The following TRIM50 variants were observed in gnomAD, a reference collection of about 807,000 sequenced individuals.
TRIM50 encodes the protein E3 ubiquitin-protein ligase TRIM50.
A neutral mutation model predicts 44.9 loss-of-function variants in TRIM50; 34 were observed. The ratio of observed to expected loss-of-function variants is 0.76; its 90% CI spans 0.58 to 1.01. The LOEUF (loss-of-function observed/expected upper bound fraction) is 1.01. Among genes scored for constraint, TRIM50 ranks in the 50% least tolerant of loss-of-function variants. The pLI, the probability that TRIM50 is intolerant of heterozygous loss-of-function variation, is 0.00. For missense variants in TRIM50, 633 were observed against 663.7 expected, an observed-to-expected ratio of 0.95 and a Z score of 0.51; for synonymous variants, 307 against 291.1, an observed-to-expected ratio of 1.05 and a Z score of -0.56.
intron 2 of TRIM50, chr7:73,321,755 C>G (rs1227084416): frequency 4.6e-5 from 7 of 152,168 alleles, no homozygotes; most frequent in East Asian, 3.9e-4. Flanking sequence ...AAGGGAGTTG[C>G]GTAAAGAATC....
intron 2 of TRIM50, among the ~76,000 whole-genome samples, chr7:73,321,625 C>A (rs1804498250): frequency 6.6e-6 from 1 of 152,196 alleles, no homozygotes; most frequent in Admixed American, 6.5e-5. Context: ...ACCGGGACCC[C>A]TGGACCACCA....
chr7:73,324,214 TC>T (rs1179579252), intron 2 of TRIM50, among the ~76,000 whole-genome samples, 174 bp downstream of exon 2: 31 of 152,076 alleles, frequency 2.0e-4, no homozygotes, highest in Admixed American at 2.0e-3. Flanking sequence ...GTGGCTTCAA[TC>T]CCCGGCACCT....
At chr7:73,325,462 T>C (rs1350700918) in intron 1 of TRIM50, 2 of 154,654 alleles carry the variant, frequency 1.3e-5, no homozygotes, top group Non-Finnish European at 2.9e-5. Flanking sequence ...GACATTGGAA[T>C]ACCTGGCTTC....
intron 3 of TRIM50, 37 bp from the exon 4 acceptor site, chr7:73,319,089 C>A (rs1554544670): frequency 1.2e-6 from 2 of 1,613,872 alleles, no homozygotes; most frequent in Non-Finnish European, 1.7e-6. Flanking sequence ...AGAGTCACAG[C>A]CGAGCTGCCA....
chr7:73,316,477 G>T, intron 6 of TRIM50, 88 bp downstream of exon 6: 1 of 1,547,016 alleles, frequency 6.5e-7, no homozygotes, highest in Non-Finnish European at 8.7e-7. Flanking sequence ...TGAGTTCTCT[G>T]TAGCTTATTA....
intron 5 of TRIM50, among the ~76,000 whole-genome samples, chr7:73,317,426 T>C (rs1167204561): frequency 1.3e-5 from 2 of 150,796 alleles, no homozygotes; most frequent in Non-Finnish European, 3.0e-5. Flanking sequence ...GGGGTGATCT[T>C]AGCTCGGTGA....
In TRIM50 at chr7:73,313,582, G is replaced by A. The variant is rs1431255778; in HGVS notation, c.875-72C>T. ...CAGACCCGGCCCACAGAAGCTGATGGAGGCCCTGAACTCCCCAAGGAGAGG... is the reference window on the plus strand; with the variant it reads ...CAGACCCGGCCCACAGAAGCTGATGAAGGCCCTGAACTCCCCAAGGAGAGG... On this transcript the variant is annotated intron_variant, in intron 6 of 6. Transcript: ENST00000333149. The surrounding 1 kb of genome is among the most constrained non-coding windows in gnomAD (Gnocchi z 4.9). The A allele has an allele frequency of 7.6e-7, 1 of 1,321,498 alleles. No homozygotes were observed. The highest frequency in any genetic ancestry group is 1.0e-6 in the Non-Finnish European group (1 of 993,146). 81.9% of individuals were successfully genotyped at this position (1,321,498 alleles called of 1,614,324 possible). A position where few individuals can be genotyped will look rare whatever the true frequency, so the allele number is the denominator to read the frequency against.
intron 3 of TRIM50, among the ~76,000 whole-genome samples, chr7:73,319,601 T>G (rs1210518256): frequency 6.6e-6 from 1 of 152,214 alleles, no homozygotes; most frequent in African/African-American, 2.4e-5. Context: ...CAGGCAGGGC[T>G]GGTACCGCCT....
In TRIM50 at chr7:73,312,582, T is replaced by C. The variant is rs1316311142; in HGVS notation, c.*339A>G. ...TCAAATTTATTATCCTTGATAGTAG[T>C]TGAAAGTTCACAGTAATATGGAAAA... On this transcript the variant is annotated 3_prime_UTR_variant, in exon 7 of 7. Transcript: ENST00000333149. 1 of 285,736 alleles carries C rather than the reference T, an allele frequency of 3.5e-6. No individual in the cohort carries two copies. Among genetic ancestry groups the C allele is most frequent in the Non-Finnish European group, 6.5e-6 (1 of 154,874 alleles). 17.7% of individuals were successfully genotyped at this position (285,736 alleles called of 1,614,324 possible). A position where few individuals can be genotyped will look rare whatever the true frequency, so the allele number is the denominator to read the frequency against.
At chr7:73,319,730 G>A (rs1459821302) in intron 3 of TRIM50, among the ~76,000 whole-genome samples, 2 of 152,230 alleles carry the variant, frequency 1.3e-5, no homozygotes, top group Non-Finnish European at 1.5e-5. Flanking sequence ...CCAGCCCCAT[G>A]TGCCTCTCAC....
intron 3 of TRIM50, 139 bp from the exon 4 acceptor site, chr7:73,319,191 G>T (rs374846598): frequency 7.0e-7 from 1 of 1,431,318 alleles, no homozygotes; most frequent in East Asian, 2.5e-5. Context: ...ATGGCCTGGC[G>T]CCGGGCAGGG....
chr7:73,327,974 G>T lies in TRIM50; in HGVS notation c.-93C>A. 2 of 567,778 alleles carry T rather than the reference G, an allele frequency of 3.5e-6. No homozygotes were observed. The highest frequency in any genetic ancestry group is 4.1e-5 in the South Asian group (2 of 48,552). 35.2% of individuals were successfully genotyped at this position (567,778 alleles called of 1,614,324 possible). ...TTAGATGCCCCATCCTGCCCCGCGA[G>T]CTCCAATTACGTGCCCCACCTAACC... On this transcript the variant is annotated 5_prime_UTR_variant, in exon 1 of 7. Transcript: ENST00000333149.
Position 73,313,277 on chromosome 7 carries a change from C to T in TRIM50, c.1108G>A (p.Ala370Thr), listed in dbSNP as rs373162033. Reference protein sequence around the residue: ...DWRLGVIKGTASRKGKLNRSP... With the variant: ...DWRLGVIKGTTSRKGKLNRSP... ...CTGTTCAGCTTGCCCTTACGGCTGGCTGTGCCCTTGATGACCCCCAGGCGC... is the reference window on the plus strand; with the variant it reads ...CTGTTCAGCTTGCCCTTACGGCTGGTTGTGCCCTTGATGACCCCCAGGCGC... Residue 370 changes from alanine (A) to threonine (T), a missense_variant, in exon 7 of 7, where the codon GCC (alanine) becomes ACC (threonine). Physicochemically the swap from Ala to Thr is moderately conservative, Grantham distance 58. Coordinates refer to ENST00000333149, the MANE Select transcript of TRIM50 (RefSeq NM_178125.3). This position sits in a 1 kb window ranked among gnomAD's most constrained non-coding sequence, Gnocchi z 4.9. 1.1e-5 allele frequency: 18 copies of T among 1,602,740 alleles called. No individual in the cohort carries two copies. The African/African-American group carries it at 1.9e-4, about 17-fold the overall frequency.
At chr7:73,316,747 C>G in intron 5 of TRIM50, 58 bp from the exon 6 acceptor site, 1 of 1,590,224 alleles carries the variant, frequency 6.3e-7, no homozygotes, top group Non-Finnish European at 8.6e-7. Context: ...CACCCCACCC[C>G]TCCATCCTAT....
At chr7:73,316,827 T>A in intron 5 of TRIM50, 138 bp from the exon 6 acceptor site, 1 of 1,295,270 alleles carries the variant, frequency 7.7e-7, no homozygotes, top group Non-Finnish European at 1.0e-6. Context: ...CATCATCCCC[T>A]CCCCTGCACA....
chr7:73,324,063 GGA>G (rs372732116), intron 2 of TRIM50, among the ~76,000 whole-genome samples: 99 of 151,840 alleles, frequency 6.5e-4, no homozygotes, highest in African/African-American at 2.3e-3. Flanking sequence ...AAAAAAGAAA[GGA>G]GAGAGGGAGA....
intron 2 of TRIM50, among the ~76,000 whole-genome samples, 170 bp downstream of exon 2, chr7:73,324,219 G>T (rs145895869): frequency 6.6e-6 from 1 of 152,268 alleles, no homozygotes; most frequent in East Asian, 1.9e-4. Flanking sequence ...TTCAATCCCC[G>T]GCACCTGGGT....
intron 2 of TRIM50, among the ~76,000 whole-genome samples, chr7:73,323,545 G>C (rs13241149): frequency 6.6e-6 from 1 of 152,316 alleles, no homozygotes; most frequent in Admixed American, 6.5e-5. Flanking sequence ...ATATATAACA[G>C]CCAGCCAGGT....
chr7:73,327,200 T>C (rs544855723), intron 1 of TRIM50, among the ~76,000 whole-genome samples: 4 of 152,332 alleles, frequency 2.6e-5, no homozygotes, highest in South Asian at 2.1e-4. Flanking sequence ...GTATTGAAAG[T>C]TGGCTGTAGC....
Sources: allele counts gnomAD v4.1 joint callset (sites outside exome capture counted in the v4.1 genomes callset), GRCh38; gene constraint gnomAD v4.1.1; non-coding constraint Gnocchi (gnomAD v3.1); transcripts MANE v1.5; gene names NCBI Gene and HGNC (gene_info 2026-07-23, HGNC 2026-07-21).